ACTN4: variants seen among roughly 807,000 people sequenced by gnomAD.
ACTN4 encodes actinin alpha 4, also known as alpha-actinin-4.
In ACTN4, 18 loss-of-function variants were observed where a neutral mutation model predicts 114.2. The ratio of observed to expected loss-of-function variants is 0.16; its 90% CI spans 0.11 to 0.23. The LOEUF (loss-of-function observed/expected upper bound fraction) is 0.23. ACTN4 is among the 10% of genes least tolerant of loss of function. The pLI, the probability that ACTN4 is intolerant of heterozygous loss-of-function variation, is 1.00. For missense variants in ACTN4, 722 were observed against 1,262.9 expected (o/e 0.57, Z 6.49); for synonymous variants, 515 against 506.3 (o/e 1.02, Z -0.23).
intron 1 of ACTN4, among the ~76,000 whole-genome samples, chr19:38,693,940 C>A (rs1239766406): frequency 6.6e-6 from 1 of 152,240 alleles, no homozygotes; most frequent in East Asian, 1.9e-4. Flanking sequence ...CACCCCCCTT[C>A]CCCGCACTCA....
At chr19:38,705,676 G>A (rs1379170139) in intron 4 of ACTN4, among the ~76,000 whole-genome samples, 1 of 152,248 alleles carries the variant, frequency 6.6e-6, no homozygotes, top group African/African-American at 2.4e-5. Context: ...GGCCAAGGCC[G>A]GTATCAAGGG....
intron 5 of ACTN4, among the ~76,000 whole-genome samples, chr19:38,707,037 A>T (rs1041462579): frequency 1.3e-4 from 20 of 152,150 alleles, no homozygotes; most frequent in African/African-American, 4.8e-4. Context: ...AGTCTCCTGG[A>T]TGGCCCGCAC....
intron 1 of ACTN4, among the ~76,000 whole-genome samples, chr19:38,657,764 C>T (rs1599760879): frequency 6.6e-6 from 1 of 152,162 alleles, no homozygotes; most frequent in East Asian, 1.9e-4. Context: ...GGGAAGTTGC[C>T]TGAGGGGGAC....
chr19:38,705,160 C>A, intron 4 of ACTN4, 140 bp downstream of exon 4: 1 of 804,334 alleles, frequency 1.2e-6, no homozygotes, highest in South Asian at 1.4e-5. Context: ...CAGGGGTAGT[C>A]AGTGGGTGGC....
rs747379138 is a variant in ACTN4 at position 38,725,753 on chromosome 19, C to T, written c.2040C>T (p.Asn680=). The T allele has an allele frequency of 4.8e-5, 77 of 1,613,874 alleles. No homozygotes were observed. The highest frequency in any genetic ancestry group is 6.6e-5 in the South Asian group (6 of 91,082). The change falls in exon 17 of 21, where the codon AAC becomes AAT. Residue 680 remains asparagine, a synonymous_variant. Transcript: ENST00000252699. ...TCGGGCGCATCTCCATTGAGATGAA[C>T]GGGACCCTGGAGGACCAGCTGAGCC... ...EEIGRISIEM[N]GTLEDQLSHL...
chr19:38,658,849 G>C (rs570077651), intron 1 of ACTN4, among the ~76,000 whole-genome samples: 1 of 152,062 alleles, frequency 6.6e-6, no homozygotes, highest in Non-Finnish European at 1.5e-5. Flanking sequence ...GATCGTTTGA[G>C]CTACACTGCC....
chr19:38,677,558 A>G (rs1448100028), intron 1 of ACTN4, among the ~76,000 whole-genome samples: 2 of 151,854 alleles, frequency 1.3e-5, no homozygotes, highest in Non-Finnish European at 2.9e-5. Flanking sequence ...CAAGGGTATC[A>G]TGACCGCCCA....
intron 3 of ACTN4, 124 bp from the exon 4 acceptor site, chr19:38,704,810 G>T: frequency 1.2e-6 from 1 of 801,790 alleles, no homozygotes. Flanking sequence ...CCTGGGAGAT[G>T]CAACCAGGGG....
intron 1 of ACTN4, among the ~76,000 whole-genome samples, chr19:38,669,700 G>T (rs761644747): frequency 1.3e-5 from 2 of 152,160 alleles, no homozygotes; most frequent in Non-Finnish European, 2.9e-5. Context: ...GGAGCCCAGC[G>T]TGGCCTCAGG....
At chr19:38,699,617 T>C (rs1968200921) in intron 1 of ACTN4, among the ~76,000 whole-genome samples, 1 of 151,998 alleles carries the variant, frequency 6.6e-6, no homozygotes, top group Non-Finnish European at 1.5e-5. Context: ...TAGATGGGCA[T>C]GTTGGCATAC....
At chr19:38,695,038 CTA>C (rs1968049474) in intron 1 of ACTN4, among the ~76,000 whole-genome samples, 1 of 152,146 alleles carries the variant, frequency 6.6e-6, no homozygotes, top group South Asian at 2.1e-4. Flanking sequence ...CCACGCCTGG[CTA>C]ATTTTTGTAG....
At chr19:38,685,837 A>G (rs1251613428) in intron 1 of ACTN4, among the ~76,000 whole-genome samples, 1 of 152,126 alleles carries the variant, frequency 6.6e-6, no homozygotes. Context: ...CTCTCAAAAC[A>G]GGAAAAAGGA....
Position 38,729,726 on chromosome 19 carries a change from C to T in ACTN4, c.*294C>T. 1 of 599,642 alleles carries T rather than the reference C, an allele frequency of 1.7e-6. No homozygotes were observed. The allele number at this position is 599,642 out of a possible 1,614,324, so 37.1% of individuals were successfully genotyped here. On this transcript the variant is annotated 3_prime_UTR_variant, in exon 21 of 21. Transcript: ENST00000252699. ...GAGGGGCCAGTGGATTCCCACAGCA[C>T]AACCGGTCCCTTCCATGCCCTGGGA...
In ACTN4 at chr19:38,725,882, G is replaced by C. The variant is rs1179634269; in HGVS notation, c.2169G>C (p.Lys723Asn). The change falls in exon 17 of 21, where the codon AAG (lysine) becomes AAC (asparagine). Residue 723 changes from lysine (K) to asparagine (N), a missense_variant. By Grantham distance (94) the Lys-to-Asn change is moderately conservative. This residue lies in a region of ACTN4 where 523 missense variants were observed against 875.9 expected (regional missense o/e 0.60). Transcript: ENST00000252699. ...LIQEALIFDN[K>N]HTNYTMEHIR... ...AGGAGGCCCTCATCTTCGACAACAAGCACACCAACTATACCATGGAGGTGC... is the reference window on the plus strand; with the variant it reads ...AGGAGGCCCTCATCTTCGACAACAACCACACCAACTATACCATGGAGGTGC... The C allele has an allele frequency of 6.2e-7, 1 of 1,613,988 alleles. No homozygotes were observed. Among genetic ancestry groups the C allele is most frequent in the Admixed American group, 1.7e-5 (1 of 60,014 alleles).
intron 1 of ACTN4, among the ~76,000 whole-genome samples, chr19:38,672,945 T>G (rs1348132791): frequency 6.9e-6 from 1 of 144,316 alleles, no homozygotes; most frequent in Non-Finnish European, 1.5e-5. Flanking sequence ...CATCCATTCT[T>G]TTTTTTTTTT....
At chr19:38,676,743 T>C (rs1967388930) in intron 1 of ACTN4, among the ~76,000 whole-genome samples, 1 of 152,146 alleles carries the variant, frequency 6.6e-6, no homozygotes. Context: ...GCAGCCTCAT[T>C]GTCCCTTTGT....
At chr19:38,686,857 G>T (rs1161150097) in intron 1 of ACTN4, among the ~76,000 whole-genome samples, 1 of 152,168 alleles carries the variant, frequency 6.6e-6, no homozygotes, top group Non-Finnish European at 1.5e-5. Context: ...ACAGAGGCAG[G>T]CTCAGATGGG....
chr19:38,690,651 G>A (rs1039567106), intron 1 of ACTN4, among the ~76,000 whole-genome samples: 1 of 152,204 alleles, frequency 6.6e-6, no homozygotes, highest in African/African-American at 2.4e-5. Flanking sequence ...GTAACAGCCA[G>A]GCTGGTCTTG....
chr19:38,649,060 A>G (rs1976476139), intron 1 of ACTN4, among the ~76,000 whole-genome samples: 1 of 150,500 alleles, frequency 6.6e-6, no homozygotes, highest in Admixed American at 6.6e-5. Context: ...GTGCAGGCAG[A>G]ATGAGTTTGG....
Sources: allele counts gnomAD v4.1 joint callset (sites outside exome capture counted in the v4.1 genomes callset), GRCh38; gene constraint gnomAD v4.1.1; regional missense constraint gnomAD v4.1.1; transcripts MANE v1.5; gene names NCBI Gene and HGNC (gene_info 2026-07-23, HGNC 2026-07-21).